The following GABPA variants were observed in gnomAD, a reference collection of about 807,000 sequenced individuals.
GABPA encodes the protein GA binding protein transcription factor subunit alpha.
Under a neutral mutation model 59.4 loss-of-function variants are expected in GABPA, and 4 were observed. That is an observed-to-expected ratio of 0.07 (90% confidence interval 0.03 to 0.15). The LOEUF (loss-of-function observed/expected upper bound fraction) is 0.15. Among genes scored for constraint, GABPA ranks in the 10% least tolerant of loss-of-function variants. The pLI, the probability that GABPA is intolerant of heterozygous loss-of-function variation, is 1.00. For synonymous variants in GABPA, 164 were observed against 183.1 expected, an observed-to-expected ratio of 0.90 and a Z score of 0.84; for missense variants, 251 against 543.8, an observed-to-expected ratio of 0.46 and a Z score of 5.36.
chr21:25,755,201 C>T (rs2035604643), intron 5 of GABPA, among the ~76,000 whole-genome samples: 1 of 151,916 alleles, frequency 6.6e-6, no homozygotes, highest in Admixed American at 6.6e-5. Context: ...ATAATCCCAG[C>T]ACGTTGGGAG....
chr21:25,742,319 C>T (rs1400207625), intron 2 of GABPA, among the ~76,000 whole-genome samples: 8 of 151,810 alleles, frequency 5.3e-5, no homozygotes, highest in East Asian at 1.9e-4. Context: ...TATTGTACTC[C>T]GTGAAGTAGG....
In GABPA at chr21:25,771,913, TTGAC is replaced by T. The variant is rs1274104283; in HGVS notation, c.*2685_*2688del. On this transcript the variant is annotated 3_prime_UTR_variant, in exon 10 of 10. Coordinates refer to ENST00000400075, the MANE Select transcript of GABPA (RefSeq NM_002040.4). ...TATGTGTGGTTGATCTTCAGATAAA[TTGAC>T]TGATCACAGTTATTTTTGTATCAGT... 1.3e-5 allele frequency: 2 copies of T among 152,212 alleles called. No homozygotes were observed. The highest frequency in any genetic ancestry group is 2.4e-5 in the African/African-American group (1 of 41,584). The allele number at this position is 152,212 out of a possible 1,614,324, so 9.4% of individuals were successfully genotyped here. A position where few individuals can be genotyped will look rare whatever the true frequency, so the allele number is the denominator to read the frequency against.
chr21:25,766,568 A>G (rs2035895424), intron 9 of GABPA, among the ~76,000 whole-genome samples: 1 of 151,952 alleles, frequency 6.6e-6, no homozygotes, highest in Non-Finnish European at 1.5e-5. Context: ...AGATTATCCA[A>G]ATGGCCAATG....
Position 25,772,302 on chromosome 21 carries a change from A to T in GABPA, c.*3070A>T, listed in dbSNP as rs946877490. 3 of 152,070 alleles carry T rather than the reference A, an allele frequency of 2.0e-5. No individual in the cohort carries two copies. Among genetic ancestry groups the T allele is most frequent in the Non-Finnish European group, 2.9e-5 (2 of 67,934 alleles). 9.4% of individuals were successfully genotyped at this position (152,070 alleles called of 1,614,324 possible). A position where few individuals can be genotyped will look rare whatever the true frequency, so the allele number is the denominator to read the frequency against. On this transcript the variant is annotated 3_prime_UTR_variant, in exon 10 of 10. Coordinates refer to ENST00000400075, the MANE Select transcript of GABPA (RefSeq NM_002040.4). Reference sequence around the variant, plus strand: ...TTTTACTCTTTAAATAACGACAACGACACTTATACTGTCATAATAACAATT... The same window carrying T: ...TTTTACTCTTTAAATAACGACAACGTCACTTATACTGTCATAATAACAATT...
At chr21:25,736,956 C>T (rs887634379) in intron 1 of GABPA, among the ~76,000 whole-genome samples, 1 of 152,232 alleles carries the variant, frequency 6.6e-6, no homozygotes, top group African/African-American at 2.4e-5. Context: ...CCCCCACACT[C>T]CACTTATAAT....
intron 2 of GABPA, among the ~76,000 whole-genome samples, chr21:25,741,884 G>A (rs1190973500): frequency 6.6e-6 from 1 of 152,152 alleles, no homozygotes; most frequent in Non-Finnish European, 1.5e-5. Context: ...AAGGGTAAAT[G>A]AAATCAAAAG....
rs942899905 is a variant in GABPA at position 25,770,176 on chromosome 21, G to C, written c.*944G>C. 1 of 152,472 alleles carries C rather than the reference G, an allele frequency of 6.6e-6. No individual in the cohort carries two copies. The highest frequency in any genetic ancestry group is 2.4e-5 in the African/African-American group (1 of 41,438). The allele number at this position is 152,472 out of a possible 1,614,324, so 9.4% of individuals were successfully genotyped here. A position where few individuals can be genotyped will look rare whatever the true frequency, so the allele number is the denominator to read the frequency against. ...AATGAAGACTTTAAATCAGTCAGTA[G>C]TACTTTACCTTTCAAGGCATTAGTA... On this transcript the variant is annotated 3_prime_UTR_variant, in exon 10 of 10. Coordinates refer to ENST00000400075, the MANE Select transcript of GABPA (RefSeq NM_002040.4).
In GABPA at chr21:25,751,985, T is replaced by C; in HGVS notation, c.308-4T>C. 6.2e-7 allele frequency: 1 copy of C among 1,612,146 alleles called. No individual in the cohort carries two copies. Among genetic ancestry groups the C allele is most frequent in the Non-Finnish European group, 8.5e-7 (1 of 1,178,400 alleles). ...TTTACAATTTTTTTTTATCCACTGT[T>C]CAGGAATTGAACCAAAGTTAAACAT... On this transcript the variant is annotated splice_polypyrimidine_tract_variant and splice_region_variant and intron_variant, in intron 4 of 9. Transcript: ENST00000400075.
intron 9 of GABPA, among the ~76,000 whole-genome samples, chr21:25,766,387 C>G (rs761067731): frequency 6.6e-6 from 1 of 151,888 alleles, no homozygotes; most frequent in Non-Finnish European, 1.5e-5. Context: ...AGGACTAATT[C>G]TAAAGGGAAA....
Position 25,735,136 on chromosome 21 carries a change from T to G in GABPA, c.-469T>G. 1.5e-6 allele frequency: 1 copy of G among 678,220 alleles called. No homozygotes were observed. The highest frequency in any genetic ancestry group is 2.6e-6 in the Non-Finnish European group (1 of 379,618). The allele number at this position is 678,220 out of a possible 1,614,324, so 42.0% of individuals were successfully genotyped here. ...TTTCTTCGCCTAATTTGACCCGTTC[T>G]TTTTCCCCTCCTTGAAACCTTGCTC... On this transcript the variant is annotated 5_prime_UTR_variant, in exon 1 of 10. Coordinates refer to ENST00000400075, the MANE Select transcript of GABPA (RefSeq NM_002040.4).
intron 1 of GABPA, among the ~76,000 whole-genome samples, chr21:25,740,189 C>T (rs529520649): frequency 2.0e-5 from 3 of 152,320 alleles, no homozygotes; most frequent in Admixed American, 1.3e-4. Flanking sequence ...CTCTGAATAG[C>T]GTTCGTATGA....
At position 25,761,434 on chromosome 21, in the gene GABPA, T is replaced by C. The variant is rs181653906; in HGVS notation, c.749-878T>C. ...AGTCTTCAGACCCTCAAAGCTCCCATCTGATAGGATTCTGACCTCTTTTTA... is the reference window on the plus strand; with the variant it reads ...AGTCTTCAGACCCTCAAAGCTCCCACCTGATAGGATTCTGACCTCTTTTTA... On this transcript the variant is annotated intron_variant, in intron 6 of 9. Transcript: ENST00000400075. 1.3e-3 allele frequency among the ~76,000 whole-genome samples: 203 copies of C among 152,288 alleles called. 1 individual carries two copies. Among genetic ancestry groups the C allele is most frequent in the African/African-American group, 4.1e-3 (172 of 41,566 alleles).
intron 6 of GABPA, among the ~76,000 whole-genome samples, chr21:25,760,460 C>T (rs1168828326): frequency 6.6e-6 from 1 of 152,094 alleles, no homozygotes; most frequent in Non-Finnish European, 1.5e-5. Flanking sequence ...AGGTAGGGCT[C>T]CTTCTTCAGA....
intron 1 of GABPA, among the ~76,000 whole-genome samples, chr21:25,740,217 G>T (rs1213177512): frequency 6.6e-6 from 1 of 152,232 alleles, no homozygotes; most frequent in Admixed American, 6.5e-5. Flanking sequence ...CTCAAAATAA[G>T]ATTGCTCTAT....
intron 1 of GABPA, among the ~76,000 whole-genome samples, chr21:25,741,251 C>T (rs533878546): frequency 3.3e-5 from 5 of 152,062 alleles, no homozygotes; most frequent in African/African-American, 9.7e-5. Flanking sequence ...CCTCAGCCTC[C>T]GAAGTATTAA....
intron 5 of GABPA, among the ~76,000 whole-genome samples, chr21:25,753,247 T>C (rs1255466175): frequency 6.6e-6 from 1 of 152,096 alleles, no homozygotes; most frequent in Non-Finnish European, 1.5e-5. Flanking sequence ...CACTTGATTT[T>C]GATGTGGAAG....
chr21:25,744,654 A>G (rs1400274564), intron 2 of GABPA, among the ~76,000 whole-genome samples: 1 of 152,182 alleles, frequency 6.6e-6, no homozygotes, highest in African/African-American at 2.4e-5. Flanking sequence ...ATAATATGAA[A>G]GAGCACTAAG....
chr21:25,744,119 T>TA (rs1229018384), intron 2 of GABPA, among the ~76,000 whole-genome samples: 24 of 151,976 alleles, frequency 1.6e-4, no homozygotes, highest in African/African-American at 5.6e-4. Context: ...AGTTTTTTTT[T>TA]ACCTTAACAA....
intron 9 of GABPA, among the ~76,000 whole-genome samples, chr21:25,766,914 A>G (rs1269254934): frequency 6.6e-6 from 1 of 152,014 alleles, no homozygotes; most frequent in African/African-American, 2.4e-5. Flanking sequence ...TTTATGGTAT[A>G]TTCATACAAG....
Sources: allele counts gnomAD v4.1 joint callset (sites outside exome capture counted in the v4.1 genomes callset), GRCh38; gene constraint gnomAD v4.1.1; transcripts MANE v1.5; gene names NCBI Gene and HGNC (gene_info 2026-07-23, HGNC 2026-07-21).